Variants in KCNG2 observed in about 807,000 individuals in gnomAD.
The protein encoded by KCNG2 is voltage-gated potassium channel regulatory subunit KCNG2.
In KCNG2, 7 loss-of-function variants were observed where a neutral mutation model predicts 12.3. That is an observed-to-expected ratio of 0.57 (90% CI 0.32 to 1.07). The LOEUF is 1.07. Among genes scored for constraint, KCNG2 ranks in the 50% least tolerant of loss-of-function variants. KCNG2 has a pLI of 0.04. For missense variants in KCNG2, 703 were observed against 726.0 expected, an observed-to-expected ratio of 0.97 and a Z score of 0.36; for synonymous variants, 414 against 351.4, an observed-to-expected ratio of 1.18 and a Z score of -1.99.
intron 3 of KCNG2, among the ~76,000 whole-genome samples, chr18:79,883,247 G>C (rs1269300578): frequency 6.6e-6 from 1 of 152,224 alleles, no homozygotes; most frequent in Non-Finnish European, 1.5e-5. Context: ...GCCAAGACTG[G>C]GTGGGCGGGG....
At chr18:79,838,623 C>G (rs915807520) in intron 1 of KCNG2, among the ~76,000 whole-genome samples, 3 of 152,130 alleles carry the variant, frequency 2.0e-5, no homozygotes, top group Non-Finnish European at 4.4e-5. Flanking sequence ...GTTGCCCAGT[C>G]TGATCTTGAA....
chr18:79,821,482 G>A (rs1335890409), intron 1 of KCNG2, among the ~76,000 whole-genome samples: 1 of 151,916 alleles, frequency 6.6e-6, no homozygotes, highest in Non-Finnish European at 1.5e-5. Context: ...TAGAGACGGG[G>A]TTTCACCATG....
At chr18:79,832,095 G>A (rs1978299234) in intron 1 of KCNG2, among the ~76,000 whole-genome samples, 1 of 152,146 alleles carries the variant, frequency 6.6e-6, no homozygotes, top group Non-Finnish European at 1.5e-5. Context: ...CCGCCCCCTG[G>A]TTCTGAGCCT....
chr18:79,899,274 C>T lies in KCNG2; in HGVS notation c.859C>T (p.Leu287=). The T allele has an allele frequency of 1.3e-6, 2 of 1,576,994 alleles. No individual in the cohort carries two copies. Among genetic ancestry groups the T allele is most frequent in the South Asian group, 1.1e-5 (1 of 87,680 alleles). The change falls in exon 4 of 4, where the codon CTG becomes TTG. Residue 287 remains leucine (L), a synonymous_variant. Coordinates refer to ENST00000316249, the MANE Select transcript of KCNG2 (RefSeq NM_012283.2). ...TKLLERAGLV[L]RLLRALRVLY... is the part of the protein sequence containing the mutation. ...GCTCCTGGAGCGCGCGGGGCTGGTGCTGCGGCTGCTGCGTGCGCTGCGCGT... is the reference window on the plus strand; with the variant it reads ...GCTCCTGGAGCGCGCGGGGCTGGTGTTGCGGCTGCTGCGTGCGCTGCGCGT...
intron 3 of KCNG2, among the ~76,000 whole-genome samples, chr18:79,867,385 C>G (rs1979635755): frequency 6.7e-6 from 1 of 149,520 alleles, no homozygotes; most frequent in Non-Finnish European, 1.5e-5. Flanking sequence ...TGTGTCATGT[C>G]TGGGGAAGAA....
At chr18:79,804,870 C>T (rs894583824) in intron 1 of KCNG2, among the ~76,000 whole-genome samples, 3 of 152,138 alleles carry the variant, frequency 2.0e-5, no homozygotes, top group African/African-American at 4.8e-5. Flanking sequence ...AAAAATCTTG[C>T]GTAAGATTGC....
chr18:79,871,729 C>T (rs868465408), intron 3 of KCNG2, among the ~76,000 whole-genome samples: 10 of 152,306 alleles, frequency 6.6e-5, no homozygotes, highest in Middle Eastern at 3.4e-3. Context: ...AGAGCCTCTG[C>T]GTCCGTCTGC....
intron 1 of KCNG2, among the ~76,000 whole-genome samples, chr18:79,853,037 G>A (rs1319901116): frequency 6.6e-6 from 1 of 152,210 alleles, no homozygotes; most frequent in African/African-American, 2.4e-5. Flanking sequence ...GCTGGACGCC[G>A]AGAGCATCCC....
intron 3 of KCNG2, chr18:79,876,077 C>T (rs56197868): frequency 0.3 from 45,168 of 152,332 alleles, 7,791 homozygotes; most frequent in South Asian, 0.53. Context: ...CCGCAGCTCA[C>T]GGGCCACAGC....
At chr18:79,873,426 T>TCCCCCCCCCCC (rs138533244) in intron 3 of KCNG2, among the ~76,000 whole-genome samples, 1 of 86,664 alleles carries the variant, frequency 1.2e-5, no homozygotes, top group Non-Finnish European at 2.4e-5. Flanking sequence ...CCGGCCCCCC[T>TCCCCCCCCCCC]CCCCCCCCCC....
chr18:79,880,544 T>G (rs1168864315), intron 3 of KCNG2, among the ~76,000 whole-genome samples: 1 of 152,148 alleles, frequency 6.6e-6, no homozygotes, highest in African/African-American at 2.4e-5. Flanking sequence ...ATAACACCAA[T>G]TCTACATGGT....
chr18:79,837,674 C>G (rs982979221), intron 1 of KCNG2, among the ~76,000 whole-genome samples: 18 of 152,220 alleles, frequency 1.2e-4, no homozygotes, highest in Admixed American at 4.6e-4. Flanking sequence ...ACCACCTTAG[C>G]CTGGACTTCA....
intron 1 of KCNG2, among the ~76,000 whole-genome samples, chr18:79,855,346 T>C (rs1415384064): frequency 6.6e-6 from 1 of 152,186 alleles, no homozygotes; most frequent in Non-Finnish European, 1.5e-5. Context: ...GCAGTGTCTC[T>C]GGTTTCTACC....
At chr18:79,869,549 G>A (rs1324478433) in intron 3 of KCNG2, among the ~76,000 whole-genome samples, 1 of 152,146 alleles carries the variant, frequency 6.6e-6, no homozygotes. Flanking sequence ...CCCGCCCTGT[G>A]CTGTCCAAGC....
In KCNG2 at chr18:79,899,827, G is replaced by A. The variant is rs747076633; in HGVS notation, c.*11G>A. 4.4e-6 allele frequency: 6 copies of A among 1,351,732 alleles called. No homozygotes were observed. Among genetic ancestry groups the A allele is most frequent in the African/African-American group, 1.5e-5 (1 of 65,510 alleles). The allele number at this position is 1,351,732 out of a possible 1,614,324, so 83.7% of individuals were successfully genotyped here. A position where few individuals can be genotyped will look rare whatever the true frequency, so the allele number is the denominator to read the frequency against. ...CGGGCAGGGCGCTGACGCCTGCGCC[G>A]CCCACACGGAGACCCCCTGCCCCCT... On this transcript the variant is annotated 3_prime_UTR_variant, in exon 4 of 4. Coordinates refer to ENST00000316249, the MANE Select transcript of KCNG2 (RefSeq NM_012283.2).
intron 1 of KCNG2, among the ~76,000 whole-genome samples, chr18:79,844,620 C>A (rs1978562666): frequency 6.6e-6 from 1 of 152,214 alleles, no homozygotes; most frequent in Non-Finnish European, 1.5e-5. Flanking sequence ...GTAATCATTG[C>A]ACAATGCATT....
In KCNG2 at chr18:79,884,204, GTCCCCATGCCCC is replaced by G. The variant is rs1035007298; in HGVS notation, c.625-14823_625-14812del. ...ACAGCACAGAAGCTGCAGGGGCTCCGTCCCCATGCCCCTCCCCATGCCCCATGTCCCTGTTCT... is the reference window on the plus strand; with the variant it reads ...ACAGCACAGAAGCTGCAGGGGCTCCGTCCCCATGCCCCATGTCCCTGTTCT... On this transcript the variant is annotated intron_variant, in intron 3 of 3. Transcript: ENST00000316249. This position sits in a 1 kb window ranked among gnomAD's most constrained non-coding sequence, Gnocchi z 5.5. Among the ~76,000 whole-genome samples the G allele has an allele frequency of 4.6e-5, 7 of 151,914 alleles. No individual in the cohort carries two copies. Among genetic ancestry groups the G allele is most frequent in the Admixed American group, 3.3e-4 (5 of 15,260 alleles).
chr18:79,830,782 C>CGGACAGAGCCTTCGTCAGGAGGGTTCCT (rs1978293713), intron 1 of KCNG2, among the ~76,000 whole-genome samples: 4 of 101,532 alleles, frequency 3.9e-5, no homozygotes, highest in African/African-American at 7.5e-5. Flanking sequence ...GGAGGGTTCC[C>CGGACAGAGCCTTCGTCAGGAGGGTTCCT]TGCGGACAGA....
intron 1 of KCNG2, among the ~76,000 whole-genome samples, chr18:79,812,145 A>G (rs771693270): frequency 3.3e-5 from 5 of 152,248 alleles, no homozygotes; most frequent in African/African-American, 4.8e-5. Flanking sequence ...ATCTCCAGAT[A>G]CTTGGAAATT....
Sources: gnomAD v4.1 joint callset for allele counts (sites outside exome capture counted in the v4.1 genomes callset) on GRCh38, gnomAD v4.1.1 for gene constraint, Gnocchi (gnomAD v3.1) non-coding constraint, MANE v1.5 for transcripts, NCBI Gene and HGNC (gene_info 2026-07-23, HGNC 2026-07-21) for gene names.